The following VAV3 variants were observed in gnomAD, a reference collection of about 807,000 sequenced individuals.
VAV3 encodes the protein guanine nucleotide exchange factor VAV3.
In VAV3, 94 loss-of-function variants were observed where a neutral mutation model predicts 131.2. The observed-to-expected ratio is 0.72, with a 90% CI of 0.61 to 0.85. VAV3 has a LOEUF of 0.85. Ranked by LOEUF, VAV3 falls within the 40% of genes least tolerant of loss-of-function variation. The pLI is 0.00. For synonymous variants in VAV3, 349 were observed against 342.0 expected (o/e 1.02, Z -0.22); for missense variants, 939 against 1,002.7 (o/e 0.94, Z 0.86).
At chr1:107,964,118 G>A (rs1436072067) in intron 1 of VAV3, among the ~76,000 whole-genome samples, 1 of 152,138 alleles carries the variant, frequency 6.6e-6, no homozygotes, top group Non-Finnish European at 1.5e-5. Context: ...GGGCCCTGGG[G>A]GCGGCCTCCG....
intron 1 of VAV3, among the ~76,000 whole-genome samples, chr1:107,925,873 G>A (rs1159113362): frequency 7.1e-6 from 1 of 141,296 alleles, no homozygotes; most frequent in African/African-American, 2.6e-5. Flanking sequence ...AAACAGATAT[G>A]TCACATATAA....
intron 1 of VAV3, among the ~76,000 whole-genome samples, chr1:107,878,108 G>A (rs944280246): frequency 1.3e-5 from 2 of 151,940 alleles, no homozygotes; most frequent in African/African-American, 4.8e-5. Context: ...TGCAACAATT[G>A]CAACATAGTG....
At chr1:107,747,995 C>T (rs750903268) in intron 15 of VAV3, among the ~76,000 whole-genome samples, 5 of 151,686 alleles carry the variant, frequency 3.3e-5, no homozygotes, top group South Asian at 2.1e-4. Flanking sequence ...TCTTTATAAG[C>T]GTAAATAGTT....
At chr1:107,669,747 A>C (rs1657653688) in intron 19 of VAV3, among the ~76,000 whole-genome samples, 1 of 151,988 alleles carries the variant, frequency 6.6e-6, no homozygotes, top group African/African-American at 2.4e-5. Context: ...TTACTCATGA[A>C]TTTTAAATTG....
intron 10 of VAV3, among the ~76,000 whole-genome samples, chr1:107,760,380 C>G (rs1161409137): frequency 6.6e-6 from 1 of 152,154 alleles, no homozygotes; most frequent in Non-Finnish European, 1.5e-5. Flanking sequence ...GAATGTCACA[C>G]AATTCTCTTT....
At chr1:107,940,706 C>T (rs566303974) in intron 1 of VAV3, among the ~76,000 whole-genome samples, 1 of 151,434 alleles carries the variant, frequency 6.6e-6, no homozygotes, top group African/African-American at 2.5e-5. Context: ...GGACATTAAA[C>T]TAAATAAAAT....
rs550048346 is a variant in VAV3 at position 107,847,785 on chromosome 1, A to G, written c.321+27116T>C. On this transcript the variant is annotated intron_variant, in intron 2 of 26. Transcript: ENST00000370056. Reference sequence around the variant, plus strand: ...AAACTGAGGCAGTAATTAATAGCTGACCAACTAAAAAAAGCCCAGGACCAG... The same window carrying G: ...AAACTGAGGCAGTAATTAATAGCTGGCCAACTAAAAAAAGCCCAGGACCAG... Among the ~76,000 whole-genome samples the G allele has an allele frequency of 2.0e-5, 3 of 152,292 alleles. No homozygotes were observed. In the East Asian group the frequency reaches 5.8e-4, roughly 29 times the overall value.
At chr1:107,730,657 C>A (rs1431486984) in intron 15 of VAV3, among the ~76,000 whole-genome samples, 1 of 152,158 alleles carries the variant, frequency 6.6e-6, no homozygotes, top group Non-Finnish European at 1.5e-5. Context: ...ATAATATACA[C>A]AATGTTACTT....
At chr1:107,713,432 A>G (rs1203145448) in intron 15 of VAV3, among the ~76,000 whole-genome samples, 1 of 152,092 alleles carries the variant, frequency 6.6e-6, no homozygotes, top group Non-Finnish European at 1.5e-5. Flanking sequence ...TAAAAGATTA[A>G]TCTCCTTGCA....
intron 2 of VAV3, among the ~76,000 whole-genome samples, chr1:107,873,233 G>A (rs1052650596): frequency 7.9e-5 from 12 of 152,002 alleles, no homozygotes; most frequent in African/African-American, 1.5e-4. Flanking sequence ...CAAAGCTTCC[G>A]TTGTCTAATC....
At chr1:107,630,261 C>A (rs1389730850) in intron 20 of VAV3, among the ~76,000 whole-genome samples, 1 of 152,030 alleles carries the variant, frequency 6.6e-6, no homozygotes. Flanking sequence ...GTTCTCCCAA[C>A]ATGAAACACA....
intron 22 of VAV3, among the ~76,000 whole-genome samples, chr1:107,606,210 C>T (rs541187243): frequency 6.6e-6 from 1 of 152,154 alleles, no homozygotes; most frequent in African/African-American, 2.4e-5. Context: ...AATATTATTG[C>T]AATATTCATA....
intron 12 of VAV3, among the ~76,000 whole-genome samples, chr1:107,753,749 G>A (rs1469278194): frequency 2.6e-5 from 4 of 151,366 alleles, no homozygotes; most frequent in Non-Finnish European, 4.4e-5. Context: ...TAGTAGACAC[G>A]GGGTTTCACC....
chr1:107,888,350 G>C (rs1312230238), intron 1 of VAV3, among the ~76,000 whole-genome samples: 3 of 152,194 alleles, frequency 2.0e-5, no homozygotes, highest in Non-Finnish European at 4.4e-5. Context: ...CGTAGCGCTA[G>C]ACTAGGCAAC....
chr1:107,729,103 T>G (rs190491032), intron 15 of VAV3, among the ~76,000 whole-genome samples: 1 of 152,336 alleles, frequency 6.6e-6, no homozygotes, highest in Admixed American at 6.5e-5. Context: ...AGCAAACTAC[T>G]TATGACCTCA....
At chr1:107,705,908 GCT>G (rs1660422114) in intron 15 of VAV3, among the ~76,000 whole-genome samples, 2 of 152,140 alleles carry the variant, frequency 1.3e-5, no homozygotes. Context: ...TGAAACTATA[GCT>G]CAAGGAGGAG....
At chr1:107,580,934 G>A (rs1405274703) in intron 25 of VAV3, among the ~76,000 whole-genome samples, 3 of 151,996 alleles carry the variant, frequency 2.0e-5, no homozygotes, top group Non-Finnish European at 4.4e-5. Flanking sequence ...AACTTCTAAA[G>A]TAAAAATTAT....
intron 15 of VAV3, among the ~76,000 whole-genome samples, chr1:107,745,045 T>C (rs1570882099): frequency 1.3e-5 from 2 of 152,180 alleles, no homozygotes; most frequent in South Asian, 2.1e-4. Context: ...AACATATCCA[T>C]AGCTTCTTAA....
chr1:107,809,079 C>A (rs903672533), intron 2 of VAV3, among the ~76,000 whole-genome samples: 1 of 152,156 alleles, frequency 6.6e-6, no homozygotes, highest in African/African-American at 2.4e-5. Flanking sequence ...TCAGATCATG[C>A]GTCTGCTCCT....
Sources: gnomAD v4.1 joint callset for allele counts (sites outside exome capture counted in the v4.1 genomes callset) on GRCh38, gnomAD v4.1.1 for gene constraint, MANE v1.5 for transcripts, NCBI Gene and HGNC (gene_info 2026-07-23, HGNC 2026-07-21) for gene names.